Variants in KAZN observed in about 807,000 individuals in gnomAD.
The protein encoded by KAZN is kazrin.
In KAZN, 40 loss-of-function variants were observed where a neutral mutation model predicts 87.4. That is an observed-to-expected ratio of 0.46 (90% CI 0.36 to 0.60). The LOEUF (loss-of-function observed/expected upper bound fraction) is 0.60. KAZN is among the 20% of genes least tolerant of loss of function. The probability of loss-of-function intolerance (pLI) is 0.00; values close to 1 mark genes in which losing one functional copy is unlikely to be tolerated. For missense variants in KAZN, 898 were observed against 1,073.9 expected (o/e 0.84, Z 2.29); for synonymous variants, 466 against 458.3 (o/e 1.02, Z -0.22).
intron 1 of KAZN, among the ~76,000 whole-genome samples, chr1:14,754,264 T>G (rs1644495987): frequency 6.6e-6 from 1 of 152,150 alleles, no homozygotes; most frequent in Admixed American, 6.5e-5. Flanking sequence ...GGGAGGCCAG[T>G]GGAGGGATTT....
At chr1:14,256,089 A>T (rs1650489338) in intron 2 of KAZN, among the ~76,000 whole-genome samples, 1 of 152,192 alleles carries the variant, frequency 6.6e-6, no homozygotes, top group African/African-American at 2.4e-5. Flanking sequence ...CTTTAGATTT[A>T]GTTCCCAGAG....
chr1:14,905,951 G>A (rs993369219), intron 1 of KAZN, among the ~76,000 whole-genome samples: 15 of 144,750 alleles, frequency 1.0e-4, no homozygotes, highest in Admixed American at 1.4e-4. Context: ...GGCGGATCAC[G>A]AGGTCAGGAG....
At chr1:14,178,378 T>C (rs1646129353) in intron 1 of KAZN, among the ~76,000 whole-genome samples, 1 of 152,254 alleles carries the variant, frequency 6.6e-6, no homozygotes, top group Non-Finnish European at 1.5e-5. Flanking sequence ...GTTAGCTTTA[T>C]AGACTTACAT....
chr1:14,677,377 T>G (rs1401616081), intron 1 of KAZN, among the ~76,000 whole-genome samples: 1 of 152,164 alleles, frequency 6.6e-6, no homozygotes, highest in Admixed American at 6.5e-5. Flanking sequence ...AAGACTCCCA[T>G]TGGAAAGGCA....
chr1:13,928,960 G>C (rs1323688638), intron 1 of KAZN, among the ~76,000 whole-genome samples: 2 of 151,570 alleles, frequency 1.3e-5, no homozygotes, highest in African/African-American at 4.9e-5. Context: ...TCTCCTCCTG[G>C]GAATTAGTAG....
chr1:14,146,054 G>GA (rs1441543019), intron 1 of KAZN, among the ~76,000 whole-genome samples: 1 of 151,990 alleles, frequency 6.6e-6, no homozygotes, highest in Non-Finnish European at 1.5e-5. Context: ...TTGTTCTGAG[G>GA]ATCTCTGTCC....
At chr1:14,181,936 G>A (rs567523149) in intron 2 of KAZN, among the ~76,000 whole-genome samples, 43 of 152,054 alleles carry the variant, frequency 2.8e-4, no homozygotes, top group African/African-American at 9.2e-4. Context: ...AAAACCTAAG[G>A]TACTGAAAAA....
chr1:14,074,216 A>G (rs1354026544), intron 1 of KAZN, among the ~76,000 whole-genome samples: 1 of 152,164 alleles, frequency 6.6e-6, no homozygotes, highest in Non-Finnish European at 1.5e-5. Flanking sequence ...GTTTGAACAC[A>G]GCGTCTGAAC....
At chr1:14,121,535 AAT>A (rs1570787736) in intron 1 of KAZN, among the ~76,000 whole-genome samples, 1 of 152,192 alleles carries the variant, frequency 6.6e-6, no homozygotes, top group East Asian at 1.9e-4. Flanking sequence ...CCAAGCTTTT[AAT>A]CACTATGCCT....
At chr1:14,516,450 G>A (rs1671304108) in intron 2 of KAZN, among the ~76,000 whole-genome samples, 1 of 152,210 alleles carries the variant, frequency 6.6e-6, no homozygotes, top group Admixed American at 6.5e-5. Context: ...CCATGCCCTT[G>A]ACCACAGTGA....
chr1:14,046,271 CA>C (rs1264875350), intron 1 of KAZN, among the ~76,000 whole-genome samples: 1 of 152,166 alleles, frequency 6.6e-6, no homozygotes, highest in Non-Finnish European at 1.5e-5. Flanking sequence ...ATCCCAGATG[CA>C]GCCAGAACTA....
chr1:14,565,212 C>G (rs954454378), intron 2 of KAZN, among the ~76,000 whole-genome samples: 23 of 152,246 alleles, frequency 1.5e-4, no homozygotes, highest in African/African-American at 5.5e-4. Context: ...TGCAAGCATA[C>G]TTTGATAATA....
In KAZN at chr1:14,982,776, G is replaced by T. The variant is rs547217256; in HGVS notation, c.418+21901G>T. Among the ~76,000 whole-genome samples the T allele has an allele frequency of 5.3e-5, 8 of 152,316 alleles. No homozygotes were observed. In the East Asian group the frequency reaches 1.5e-3, roughly 29 times the overall value. ...AGGCCCCTGTGTCAGCCAGGAGCCG[G>T]TGACCGGTGTTGTCAGGGAAGACCA... On this transcript the variant is annotated intron_variant, in intron 2 of 14. Coordinates refer to ENST00000376030, the MANE Select transcript of KAZN (RefSeq NM_201628.3).
intron 1 of KAZN, among the ~76,000 whole-genome samples, chr1:14,905,897 G>T (rs914163880): frequency 7.1e-6 from 1 of 139,912 alleles, no homozygotes; most frequent in Non-Finnish European, 1.5e-5. Flanking sequence ...GGCCGGACAC[G>T]GTGGCTCATG....
intron 2 of KAZN, among the ~76,000 whole-genome samples, chr1:14,436,792 G>A (rs1304636491): frequency 6.6e-6 from 1 of 151,514 alleles, no homozygotes; most frequent in Non-Finnish European, 1.5e-5. Context: ...TTTACAGAGA[G>A]GAGAATCAAG....
intron 1 of KAZN, among the ~76,000 whole-genome samples, chr1:14,958,907 C>T (rs1329949453): frequency 2.6e-5 from 4 of 152,036 alleles, no homozygotes; most frequent in African/African-American, 7.2e-5. Flanking sequence ...CTGGTGAGTG[C>T]GGCGCCTTCG....
intron 2 of KAZN, among the ~76,000 whole-genome samples, chr1:14,260,956 CACG>C (rs760838992): frequency 1.9e-4 from 29 of 152,200 alleles, no homozygotes; most frequent in Non-Finnish European, 4.0e-4. Context: ...CCCTTGCTAA[CACG>C]ACAATGATAC....
chr1:14,672,242 G>A (rs1639959952), intron 1 of KAZN, among the ~76,000 whole-genome samples: 1 of 152,174 alleles, frequency 6.6e-6, no homozygotes, highest in Admixed American at 6.5e-5. Context: ...CCCACTCCGT[G>A]CTACACTTCA....
intron 1 of KAZN, among the ~76,000 whole-genome samples, chr1:13,976,535 A>G (rs936838730): frequency 6.6e-6 from 1 of 151,864 alleles, no homozygotes; most frequent in African/African-American, 2.4e-5. Context: ...TGCCAGCCTG[A>G]TGGAGTTCAT....
Sources: gnomAD v4.1 joint callset for allele counts (sites outside exome capture counted in the v4.1 genomes callset) on GRCh38, gnomAD v4.1.1 for gene constraint, MANE v1.5 for transcripts, NCBI Gene and HGNC (gene_info 2026-07-23, HGNC 2026-07-21) for gene names.